Variants in ASIC2 observed in about 807,000 individuals in gnomAD.
The protein encoded by ASIC2 is acid sensing ion channel subunit 2.
ASIC2 carries 25 observed loss-of-function variants against 57.3 expected under a neutral mutation model. The observed-to-expected ratio is 0.44, with a 90% CI of 0.32 to 0.61. ASIC2 has a LOEUF of 0.61. ASIC2 is among the 20% of genes least tolerant of loss of function. The probability of loss-of-function intolerance (pLI) is 0.06; values close to 1 mark genes in which losing one functional copy is unlikely to be tolerated. For missense variants in ASIC2, 641 were observed against 738.1 expected (o/e 0.87, Z 1.52); for synonymous variants, 319 against 307.5 (o/e 1.04, Z -0.39).
At chr17:33,394,195 G>A (rs1909996107) in intron 1 of ASIC2, among the ~76,000 whole-genome samples, 1 of 152,232 alleles carries the variant, frequency 6.6e-6, no homozygotes. Flanking sequence ...GGAAAGAGAT[G>A]TTTCACTAAT....
At chr17:34,117,412 A>G (rs7221159) in intron 1 of ASIC2, among the ~76,000 whole-genome samples, 39,757 of 152,106 alleles carry the variant, frequency 0.26, 7,509 homozygotes, top group African/African-American at 0.54. Context: ...AGTTTCCCCA[A>G]TGTTGAAATG....
At chr17:33,366,828 G>A (rs1474817334) in intron 1 of ASIC2, among the ~76,000 whole-genome samples, 2 of 152,144 alleles carry the variant, frequency 1.3e-5, no homozygotes, top group Non-Finnish European at 2.9e-5. Context: ...TTTTCTATCA[G>A]TATTGGACAA....
intron 1 of ASIC2, among the ~76,000 whole-genome samples, chr17:34,144,053 C>T (rs1449347190): frequency 6.6e-6 from 1 of 152,214 alleles, no homozygotes; most frequent in African/African-American, 2.4e-5. Flanking sequence ...TCAGATACCT[C>T]ATTCATATCC....
chr17:33,673,673 C>A (rs8077147), intron 1 of ASIC2, among the ~76,000 whole-genome samples: 16,266 of 152,106 alleles, frequency 0.11, 910 homozygotes, highest in South Asian at 0.12. Context: ...GTCCCCTGCA[C>A]CCACAGCGAT....
intron 1 of ASIC2, among the ~76,000 whole-genome samples, chr17:33,579,662 T>C (rs995660699): frequency 2.0e-5 from 3 of 152,270 alleles, no homozygotes; most frequent in South Asian, 2.1e-4. Context: ...GGTGGGCTCC[T>C]GGTCTGGCAG....
chr17:33,371,088 A>G (rs550204200), intron 1 of ASIC2, among the ~76,000 whole-genome samples: 4 of 152,326 alleles, frequency 2.6e-5, no homozygotes, highest in African/African-American at 7.2e-5. Flanking sequence ...ATAAAAGATT[A>G]GTTTTCTTTA....
chr17:33,619,579 T>C (rs1905714904), intron 1 of ASIC2, among the ~76,000 whole-genome samples: 1 of 152,188 alleles, frequency 6.6e-6, no homozygotes, highest in African/African-American at 2.4e-5. Context: ...ACAGATTCCA[T>C]CAATGTGCTT....
intron 1 of ASIC2, among the ~76,000 whole-genome samples, chr17:33,201,983 G>A (rs1443946209): frequency 8.2e-6 from 1 of 121,734 alleles, no homozygotes; most frequent in East Asian, 2.5e-4. Context: ...AGTGGACCAA[G>A]ATCATGCCAC....
At chr17:33,461,633 G>C (rs1166056952) in intron 1 of ASIC2, among the ~76,000 whole-genome samples, 1 of 152,134 alleles carries the variant, frequency 6.6e-6, no homozygotes, top group Non-Finnish European at 1.5e-5. Flanking sequence ...AGAGGGTCCT[G>C]ACTGATACCT....
chr17:33,203,152 C>G (rs780871222), intron 1 of ASIC2, among the ~76,000 whole-genome samples: 7 of 152,226 alleles, frequency 4.6e-5, no homozygotes, highest in Non-Finnish European at 7.3e-5. Context: ...TTACCCATAG[C>G]TCCACTAGTG....
At chr17:33,181,951 C>T (rs1906000438) in intron 1 of ASIC2, among the ~76,000 whole-genome samples, 1 of 152,114 alleles carries the variant, frequency 6.6e-6, no homozygotes. Context: ...TGGCCAGGGC[C>T]AGATCGTGTA....
intron 1 of ASIC2, among the ~76,000 whole-genome samples, chr17:33,173,256 C>T (rs1431155846): frequency 6.6e-6 from 1 of 152,110 alleles, no homozygotes; most frequent in Non-Finnish European, 1.5e-5. Flanking sequence ...TTCCTTAGAC[C>T]ACCCCTGAGA....
At chr17:33,394,953 G>T (rs55946809) in intron 1 of ASIC2, among the ~76,000 whole-genome samples, 1 of 150,032 alleles carries the variant, frequency 6.7e-6, no homozygotes, top group Non-Finnish European at 1.5e-5. Context: ...ATCCATCCAC[G>T]CATCCATCCA....
chr17:33,764,782 C>A (rs1041412379), intron 1 of ASIC2, among the ~76,000 whole-genome samples: 8 of 152,150 alleles, frequency 5.3e-5, no homozygotes, highest in Non-Finnish European at 1.2e-4. Flanking sequence ...GGGTAAGTTT[C>A]TACATGAACT....
chr17:33,103,877 T>C (rs779036583), intron 2 of ASIC2, among the ~76,000 whole-genome samples: 6 of 152,214 alleles, frequency 3.9e-5, no homozygotes, highest in Non-Finnish European at 8.8e-5. Flanking sequence ...TGGCTGCTTC[T>C]GGCCATGGGA....
At chr17:33,037,383 C>A (rs2091913232) in intron 3 of ASIC2, among the ~76,000 whole-genome samples, 1 of 146,012 alleles carries the variant, frequency 6.8e-6, no homozygotes, top group African/African-American at 2.6e-5. Context: ...TCAGCCACTT[C>A]CCCCTCTTTT....
intron 1 of ASIC2, among the ~76,000 whole-genome samples, chr17:34,029,632 T>C (rs1435534769): frequency 6.6e-6 from 1 of 152,162 alleles, no homozygotes; most frequent in Non-Finnish European, 1.5e-5. Flanking sequence ...TCCAATCTGA[T>C]AAGACTGTAG....
At chr17:33,017,722 T>C in intron 7 of ASIC2, 38 bp from the exon 8 acceptor site, 6 of 1,583,910 alleles carry the variant, frequency 3.8e-6, no homozygotes, top group South Asian at 1.1e-5. Flanking sequence ...TTTGCTTTTA[T>C]GCAGCTTCCA....
intron 1 of ASIC2, among the ~76,000 whole-genome samples, chr17:33,268,702 C>A (rs577249962): frequency 6.6e-6 from 1 of 152,078 alleles, no homozygotes; most frequent in Non-Finnish European, 1.5e-5. Flanking sequence ...CACCTACCAC[C>A]GTCCCAAGCA....
Sources: allele counts gnomAD v4.1 joint callset (sites outside exome capture counted in the v4.1 genomes callset), GRCh38; gene constraint gnomAD v4.1.1; transcripts MANE v1.5; gene names NCBI Gene and HGNC (gene_info 2026-07-23, HGNC 2026-07-21).